The following ZNF503 variants were observed in gnomAD, a reference collection of about 807,000 sequenced individuals.
The protein encoded by ZNF503 is NocA-like zinc finger 2.
Under a neutral mutation model 34.4 loss-of-function variants are expected in ZNF503, and 15 were observed. The observed-to-expected ratio is 0.44, with a 90% CI of 0.29 to 0.67. The LOEUF (loss-of-function observed/expected upper bound fraction) is 0.67, where lower values mean the gene tolerates loss of function less well. Ranked by LOEUF, ZNF503 falls within the 30% of genes least tolerant of loss-of-function variation. The probability of loss-of-function intolerance (pLI) is 0.13; values close to 1 mark genes in which losing one functional copy is unlikely to be tolerated. For missense variants in ZNF503, 1,007 were observed against 926.8 expected, an observed-to-expected ratio of 1.09 and a Z score of -1.12; for synonymous variants, 580 against 456.8, an observed-to-expected ratio of 1.27 and a Z score of -3.44.
At chr10:75,395,990 A>G (rs763746870), downstream of ZNF503, among the ~76,000 whole-genome samples, 68 of 152,138 alleles carry the variant, frequency 4.5e-4, no homozygotes, top group South Asian at 1.7e-3. The surrounding 1 kb of genome is among the most constrained non-coding windows in gnomAD (Gnocchi z 4.4). Context: ...GACGCTAGGG[A>G]AAAGAGGCAC....
At chr10:75,326,406 T>C in the ZNF503 span, among the ~76,000 whole-genome samples, 255 of 152,294 alleles carry the variant, frequency 1.7e-3, 3 homozygotes, top group African/African-American at 5.9e-3. Context: ...TTGATATAAG[T>C]GTGCTGGTTA....
At chr10:75,308,193 A>G in the ZNF503 span, among the ~76,000 whole-genome samples, 1 of 57,656 alleles carries the variant, frequency 1.7e-5, no homozygotes, top group Admixed American at 1.3e-4. Flanking sequence ...GTGACAATAC[A>G]TCTTTTTTTT....
the ZNF503 span, among the ~76,000 whole-genome samples, chr10:75,282,624 G>T: frequency 6.6e-6 from 1 of 152,202 alleles, no homozygotes. Context: ...CTCATGGGAA[G>T]GAAGCTTCCA....
chr10:75,363,241 C>T, the ZNF503 span, among the ~76,000 whole-genome samples: 1 of 152,166 alleles, frequency 6.6e-6, no homozygotes, highest in Non-Finnish European at 1.5e-5. Flanking sequence ...GGAGACAGGC[C>T]CAGGATGGAG....
the ZNF503 span, among the ~76,000 whole-genome samples, chr10:75,315,620 G>GT: frequency 1.3e-5 from 2 of 151,912 alleles, no homozygotes; most frequent in African/African-American, 4.8e-5. Flanking sequence ...GAATCAAAGC[G>GT]TAACACTACA....
chr10:75,334,278 A>G, the ZNF503 span, among the ~76,000 whole-genome samples: 2 of 152,202 alleles, frequency 1.3e-5, no homozygotes, highest in African/African-American at 4.8e-5. Context: ...GATTATTTTT[A>G]ACAACATATT....
rs1843770328 is a variant in ZNF503, at chr10:75,400,142, G to A, written c.548C>T (p.Ser183Leu). The change falls in exon 2 of 2, where the codon TCG (serine) becomes TTG (leucine). Residue 183 changes from serine to leucine, a missense_variant. By Grantham distance (145) the Ser-to-Leu change is moderately radical. Transcript: ENST00000372524. ...GCCGCCTCCCGGCTCCTTCTTATCC[G>A]AGCCGGGTTTGGAGTACGGCTTGAA... The part of the protein sequence containing the change: ...SSFKPYSKPG[S>L]DKKEPGGGGG... 4 of 1,527,128 alleles carry A rather than the reference G, an allele frequency of 2.6e-6. No individual in the cohort carries two copies. In the East Asian group the frequency reaches 7.6e-5, roughly 29 times the overall value. 94.6% of individuals were successfully genotyped at this position (1,527,128 alleles called of 1,614,324 possible).
chr10:75,293,437 G>A, the ZNF503 span, among the ~76,000 whole-genome samples: 1 of 152,152 alleles, frequency 6.6e-6, no homozygotes, highest in Non-Finnish European at 1.5e-5. Context: ...AGGAGGAGAC[G>A]TTGCCTCAGC....
Position 75,401,545 on chromosome 10 carries a change from GGGCGCCCAGCGCGCCTTCTC to G in ZNF503, c.-146_-127del, listed in dbSNP as rs756340568. 2.5e-6 allele frequency: 3 copies of G among 1,222,076 alleles called. No individual in the cohort carries two copies. The South Asian group carries it at 4.1e-5, about 17-fold the overall frequency. The allele number at this position is 1,222,076 out of a possible 1,614,324, so 75.7% of individuals were successfully genotyped here. A position where few individuals can be genotyped will look rare whatever the true frequency, so the allele number is the denominator to read the frequency against. Reference sequence around the variant, plus strand: ...GAGGAGGAGCTGGCGCGGCGGCCACGGGCGCCCAGCGCGCCTTCTCGGCGCCTGGAGCCAGACGCGAGTAA... The same window carrying G: ...GAGGAGGAGCTGGCGCGGCGGCCACGGGCGCCTGGAGCCAGACGCGAGTAA... On this transcript the variant is annotated 5_prime_UTR_variant, in exon 1 of 2. Coordinates refer to ENST00000372524, the MANE Select transcript of ZNF503 (RefSeq NM_032772.6).
At chr10:75,365,426 G>A in the ZNF503 span, among the ~76,000 whole-genome samples, 2 of 152,212 alleles carry the variant, frequency 1.3e-5, no homozygotes, top group South Asian at 2.1e-4. Flanking sequence ...GATTACAGGC[G>A]TGAGCCACCG....
the ZNF503 span, among the ~76,000 whole-genome samples, chr10:75,321,974 C>A: frequency 1.3e-5 from 2 of 152,208 alleles, no homozygotes; most frequent in East Asian, 3.9e-4. Context: ...AATATACATT[C>A]TCTTAGAATT....
the ZNF503 span, among the ~76,000 whole-genome samples, chr10:75,326,085 G>A: frequency 5.9e-5 from 9 of 152,210 alleles, no homozygotes; most frequent in African/African-American, 1.7e-4. Flanking sequence ...TGAAAGTCAT[G>A]GCAAAAACAT....
Position 75,401,277 on chromosome 10 carries a change from G to A in ZNF503, c.143C>T (p.Ser48Phe), listed in dbSNP as rs1224015384. 1 of 1,585,758 alleles carries A rather than the reference G, an allele frequency of 6.3e-7. No individual in the cohort carries two copies. Among genetic ancestry groups the A allele is most frequent in the African/African-American group, 1.3e-5 (1 of 74,342 alleles). The change falls in exon 1 of 2, where the codon TCC (serine) becomes TTC (phenylalanine). Residue 48 changes from serine to phenylalanine, a missense_variant. Transcript: ENST00000372524. ...AAAAGGCTTGGTGCTGCCGGCCGGG[G>A]ACGAGCCTGGGCCGGGGCCGGAGCT... is the stretch of plus-strand genomic sequence containing the variant. ...GNSSGPGPGS[S>F]PAGSTKPFVH...
chr10:75,349,764 A>G, the ZNF503 span, among the ~76,000 whole-genome samples: 7 of 152,252 alleles, frequency 4.6e-5, no homozygotes, highest in African/African-American at 1.7e-4. Context: ...TTCTCTGCAG[A>G]GTGCCAAGCT....
chr10:75,350,831 G>A, the ZNF503 span, among the ~76,000 whole-genome samples: 1 of 152,166 alleles, frequency 6.6e-6, no homozygotes, highest in African/African-American at 2.4e-5. Context: ...TAGGATTACA[G>A]GCATGAGCCA....
chr10:75,320,917 T>G, the ZNF503 span, among the ~76,000 whole-genome samples: 1 of 152,170 alleles, frequency 6.6e-6, no homozygotes, highest in Non-Finnish European at 1.5e-5. Flanking sequence ...ATGTTACCAT[T>G]TGGGGAAGTT....
chr10:75,297,703 T>C, the ZNF503 span, among the ~76,000 whole-genome samples: 31 of 152,340 alleles, frequency 2.0e-4, no homozygotes, highest in Non-Finnish European at 3.7e-4. Context: ...CCTAGGCCCA[T>C]GTCATTTAAG....
At chr10:75,362,797 G>A in the ZNF503 span, among the ~76,000 whole-genome samples, 1 of 152,082 alleles carries the variant, frequency 6.6e-6, no homozygotes, top group African/African-American at 2.4e-5. Context: ...TTAGAGTCAG[G>A]CCCTGTGCGA....
chr10:75,399,610 T>G lies in ZNF503; in HGVS notation c.1080A>C (p.Pro360=). ...CGGCGTAGGCCCCGGCCAGGCTGCC[T>G]GGGTAGGTCATACCCGCGGGAGGCA... ...FPLPPAGMTY[P]GSLAGAYAGY... is the part of the protein sequence containing the mutation. The change falls in exon 2 of 2, where the codon CCA becomes CCC. Residue 360 remains proline, a synonymous_variant. Transcript: ENST00000372524. 2 of 1,598,096 alleles carry G rather than the reference T, an allele frequency of 1.3e-6. No homozygotes were observed. Among genetic ancestry groups the G allele is most frequent in the South Asian group, 1.1e-5 (1 of 91,056 alleles).
Sources: allele counts gnomAD v4.1 joint callset (sites outside exome capture counted in the v4.1 genomes callset), GRCh38; gene constraint gnomAD v4.1.1; non-coding constraint Gnocchi (gnomAD v3.1); transcripts MANE v1.5; gene names NCBI Gene and HGNC (gene_info 2026-07-23, HGNC 2026-07-21).